IRF8: variants seen among roughly 807,000 people sequenced by gnomAD.
The protein encoded by IRF8 is interferon regulatory factor 8.
In IRF8, 14 loss-of-function variants were observed where a neutral mutation model predicts 48.7. The observed-to-expected ratio is 0.29, with a 90% CI of 0.19 to 0.45. The LOEUF is 0.45. IRF8 is among the 20% of genes least tolerant of loss of function. The pLI is 1.00. For synonymous variants in IRF8, 278 were observed against 227.3 expected, an observed-to-expected ratio of 1.22 and a Z score of -2.01; for missense variants, 493 against 580.7, an observed-to-expected ratio of 0.85 and a Z score of 1.55.
rs57770209 is a variant in IRF8, at chr16:85,918,487, C to A, written c.672C>A (p.Pro224=). The A allele has an allele frequency of 1.3e-6, 2 of 1,591,264 alleles. No homozygotes were observed. The highest frequency in any genetic ancestry group is 2.7e-5 in the African/African-American group (2 of 74,680). ...KLVGQATTTC[P]EGCRLSLSQP... ...TGGGCCAGGCCACCACCACCTGCCC[C>A]GAGGGCTGCCGCCTGTCCCTGAGCC... The change falls in exon 7 of 9, where the codon CCC becomes CCA. Residue 224 remains proline (P), a synonymous_variant. Transcript: ENST00000268638.
At chr16:85,901,786 T>G (rs1289158754) in intron 1 of IRF8, among the ~76,000 whole-genome samples, 1 of 152,178 alleles carries the variant, frequency 6.6e-6, no homozygotes, top group Non-Finnish European at 1.5e-5. Flanking sequence ...GCGTACTTCT[T>G]GTGAAGGTTC....
intron 2 of IRF8, among the ~76,000 whole-genome samples, chr16:85,907,029 C>T (rs1166829384): frequency 6.6e-6 from 1 of 152,120 alleles, no homozygotes; most frequent in Admixed American, 6.5e-5. Flanking sequence ...ACAACAGCAA[C>T]AAAACCCAAA....
intron 1 of IRF8, among the ~76,000 whole-genome samples, chr16:85,899,462 T>A (rs548795572): frequency 6.6e-6 from 1 of 152,368 alleles, no homozygotes; most frequent in East Asian, 1.9e-4. Flanking sequence ...ATAGATGCCT[T>A]TTTAAAAATC....
chr16:85,899,653 A>G (rs1904763391), intron 1 of IRF8, among the ~76,000 whole-genome samples: 1 of 152,286 alleles, frequency 6.6e-6, no homozygotes, highest in African/African-American at 2.4e-5. Flanking sequence ...ACTGAGGGTT[A>G]GTTTGTGAAG....
At position 85,916,840 on chromosome 16, in the gene IRF8, G is replaced by A. The variant is rs552279845; in HGVS notation, c.602-1577G>A. Among the ~76,000 whole-genome samples the A allele has an allele frequency of 4.6e-5, 7 of 152,298 alleles. No homozygotes were observed. In the South Asian group the frequency reaches 1.5e-3, roughly 32 times the overall value. ...GGGGGAAGATGATGAGTGAGGAAGA[G>A]CGAGACCAGCGGGGAAGATGGTGAG... On this transcript the variant is annotated intron_variant, in intron 6 of 8. Transcript: ENST00000268638.
At chr16:85,910,724 C>A (rs527407542) in intron 3 of IRF8, among the ~76,000 whole-genome samples, 2 of 152,222 alleles carry the variant, frequency 1.3e-5, no homozygotes, top group Admixed American at 1.3e-4. Flanking sequence ...CGCCTCTAAC[C>A]TCAGTGGTTT....
chr16:85,904,266 G>A (rs1040410592), intron 2 of IRF8, among the ~76,000 whole-genome samples: 1 of 152,086 alleles, frequency 6.6e-6, no homozygotes, highest in Admixed American at 6.5e-5. Context: ...GGGGAGGGGA[G>A]AGTGAGTGTG....
At chr16:85,915,867 G>T (rs16939967) in intron 6 of IRF8, among the ~76,000 whole-genome samples, 20,726 of 152,168 alleles carry the variant, frequency 0.14, 1,541 homozygotes, top group Middle Eastern at 0.25. Flanking sequence ...CATAGCCACT[G>T]CCTCATGCAC....
chr16:85,901,778 G>T (rs575338488), intron 1 of IRF8, among the ~76,000 whole-genome samples: 1 of 152,120 alleles, frequency 6.6e-6, no homozygotes. Context: ...TCCAGAATGC[G>T]TACTTCTTGT....
chr16:85,909,259 C>T (rs1361713814), intron 3 of IRF8, 86 bp downstream of exon 3: 1 of 1,070,764 alleles, frequency 9.3e-7, no homozygotes, highest in Middle Eastern at 2.3e-4. Context: ...GGGGTAGACA[C>T]AGGGTCTGGG....
intron 1 of IRF8, 141 bp from the exon 2 acceptor site, chr16:85,902,874 C>A: frequency 1.2e-6 from 1 of 855,346 alleles, no homozygotes; most frequent in South Asian, 1.4e-5. Context: ...GCAGGTGTCC[C>A]GGAGTCCCTG....
At chr16:85,914,274 G>A in intron 5 of IRF8, 199 bp from the exon 6 acceptor site, 1 of 640,958 alleles carries the variant, frequency 1.6e-6, no homozygotes, top group Non-Finnish European at 2.8e-6. Flanking sequence ...TTGCCACTCT[G>A]GTTTTCTGCA....
intron 8 of IRF8, 99 bp from the exon 9 acceptor site, chr16:85,921,007 G>C: frequency 8.4e-7 from 1 of 1,196,578 alleles, no homozygotes. Context: ...GACTCACGTG[G>C]CACTGGGGTC....
Position 85,914,553 on chromosome 16 carries a change from G to C in IRF8, c.601+33G>C, listed in dbSNP as rs376408742. 20 of 1,613,010 alleles carry C rather than the reference G, an allele frequency of 1.2e-5. 1 individual carries two copies. The South Asian group carries it at 1.8e-4, about 14-fold the overall frequency. ...GTGGTCCGGGCTGAGAGGGGCGTGGGCACTGTTTGAAGACAAAGCCCAGAT... is the reference window on the plus strand; with the variant it reads ...GTGGTCCGGGCTGAGAGGGGCGTGGCCACTGTTTGAAGACAAAGCCCAGAT... On this transcript the variant is annotated intron_variant, in intron 6 of 8. Coordinates refer to ENST00000268638, the MANE Select transcript of IRF8 (RefSeq NM_002163.4).
At chr16:85,906,567 G>A (rs188032315) in intron 2 of IRF8, among the ~76,000 whole-genome samples, 186 of 152,364 alleles carry the variant, frequency 1.2e-3, no homozygotes, top group African/African-American at 4.4e-3. Flanking sequence ...TGGATGATGT[G>A]GCCTGGACTT....
chr16:85,899,508 T>C, intron 1 of IRF8, among the ~76,000 whole-genome samples: 1 of 152,148 alleles, frequency 6.6e-6, no homozygotes, highest in East Asian at 1.9e-4. Context: ...ATGGAAAACG[T>C]TAGGAGAGCT....
At chr16:85,902,443 C>G (rs1204223552) in intron 1 of IRF8, among the ~76,000 whole-genome samples, 1 of 152,142 alleles carries the variant, frequency 6.6e-6, no homozygotes, top group Non-Finnish European at 1.5e-5. Flanking sequence ...TGAATGAGAT[C>G]GCGGTTCTGT....
intron 1 of IRF8, chr16:85,900,779 C>T (rs150813958): frequency 6.6e-6 from 1 of 152,108 alleles, no homozygotes; most frequent in Non-Finnish European, 1.5e-5. Flanking sequence ...TCTCTTTTTC[C>T]TTTTAAAATT....
chr16:85,908,841 G>A (rs1359965885), intron 2 of IRF8, 149 bp from the exon 3 acceptor site: 1 of 760,846 alleles, frequency 1.3e-6, no homozygotes, highest in African/African-American at 1.7e-5. Flanking sequence ...CATCTGATTG[G>A]AGTCTCTTTG....
Sources: gnomAD v4.1 joint callset for allele counts (sites outside exome capture counted in the v4.1 genomes callset) on GRCh38, gnomAD v4.1.1 for gene constraint, MANE v1.5 for transcripts, NCBI Gene and HGNC (gene_info 2026-07-23, HGNC 2026-07-21) for gene names.